Variants in MBOAT1 observed in about 807,000 individuals in gnomAD.
MBOAT1 encodes the protein membrane bound glycerophospholipid O-acyltransferase 1.
Under a neutral mutation model 64.4 loss-of-function variants are expected in MBOAT1, and 67 were observed. The observed-to-expected ratio is 1.04, with a 90% CI of 0.85 to 1.27. The LOEUF is 1.27. MBOAT1 is among the 50% of genes most tolerant of loss of function. MBOAT1 has a pLI of 0.00. For missense variants in MBOAT1, 563 were observed against 604.6 expected, an observed-to-expected ratio of 0.93 and a Z score of 0.72; for synonymous variants, 229 against 218.9, an observed-to-expected ratio of 1.05 and a Z score of -0.41.
chr6:20,168,218 A>G (rs1440500701), intron 1 of MBOAT1, among the ~76,000 whole-genome samples: 1 of 152,182 alleles, frequency 6.6e-6, no homozygotes, highest in Non-Finnish European at 1.5e-5. Flanking sequence ...CACATTTGAA[A>G]TAGTAAAAAT....
intron 1 of MBOAT1, among the ~76,000 whole-genome samples, chr6:20,177,600 C>T (rs1050424478): frequency 6.6e-5 from 10 of 151,792 alleles, no homozygotes; most frequent in Non-Finnish European, 1.2e-4. Context: ...GGTGAAACCC[C>T]GTCTCTACTA....
chr6:20,127,191 G>A (rs1002610181), intron 6 of MBOAT1, among the ~76,000 whole-genome samples: 13 of 152,196 alleles, frequency 8.5e-5, no homozygotes, highest in African/African-American at 3.1e-4. Context: ...CGCAGTAGCA[G>A]CCTGTTGTCT....
intron 5 of MBOAT1, among the ~76,000 whole-genome samples, chr6:20,129,889 G>C (rs902015239): frequency 2.0e-5 from 3 of 152,138 alleles, no homozygotes; most frequent in African/African-American, 7.2e-5. Flanking sequence ...GTCACATCTT[G>C]TGAAACCTTT....
chr6:20,157,638 C>T lies in MBOAT1; in HGVS notation c.100-4869G>A, dbSNP rs575362386. On this transcript the variant is annotated intron_variant, in intron 1 of 12. Coordinates refer to ENST00000324607, the MANE Select transcript of MBOAT1 (RefSeq NM_001080480.3). ...ATGACTGGTATCCCCAAAACATCCT[C>T]ATTTCATACTACTTACTCTATCCTC... 4.6e-5 allele frequency among the ~76,000 whole-genome samples: 7 copies of T among 152,212 alleles called. No individual in the cohort carries two copies. The South Asian group carries it at 8.3e-4, about 18-fold the overall frequency.
chr6:20,152,345 AT>A (rs1196952963), intron 2 of MBOAT1, among the ~76,000 whole-genome samples: 187 of 31,638 alleles, frequency 5.9e-3, no homozygotes, highest in African/African-American at 0.01. Flanking sequence ...AAAATAAAAA[AT>A]AAATAAATAA....
At chr6:20,209,831 G>T (rs1763370260) in intron 1 of MBOAT1, among the ~76,000 whole-genome samples, 1 of 152,138 alleles carries the variant, frequency 6.6e-6, no homozygotes, top group African/African-American at 2.4e-5. Flanking sequence ...GCAGGCTGAG[G>T]CCTTGGGGGC....
intron 1 of MBOAT1, among the ~76,000 whole-genome samples, chr6:20,169,961 C>A (rs1762142550): frequency 6.6e-6 from 1 of 152,192 alleles, no homozygotes; most frequent in Non-Finnish European, 1.5e-5. Context: ...AGCCAATGAA[C>A]AACACCCAGT....
At chr6:20,185,200 T>G (rs1762617415) in intron 1 of MBOAT1, among the ~76,000 whole-genome samples, 1 of 152,000 alleles carries the variant, frequency 6.6e-6, no homozygotes, top group African/African-American at 2.4e-5. Flanking sequence ...CAGTGAGCTA[T>G]GATCACACCA....
chr6:20,163,882 T>A (rs1761935537), intron 1 of MBOAT1, among the ~76,000 whole-genome samples: 1 of 151,072 alleles, frequency 6.6e-6, no homozygotes, highest in African/African-American at 2.4e-5. Context: ...CCATAAGGAG[T>A]GAGGGGCACA....
At chr6:20,134,267 C>A (rs929978731) in intron 4 of MBOAT1, among the ~76,000 whole-genome samples, 7 of 152,032 alleles carry the variant, frequency 4.6e-5, no homozygotes, top group Non-Finnish European at 7.4e-5. Context: ...ATACATAATA[C>A]TGAATAGCTA....
intron 1 of MBOAT1, among the ~76,000 whole-genome samples, chr6:20,182,015 G>A (rs1370187356): frequency 6.6e-6 from 1 of 152,132 alleles, no homozygotes; most frequent in Non-Finnish European, 1.5e-5. Flanking sequence ...CTATGTAGAC[G>A]CCTGGGTTAC....
Position 20,152,711 on chromosome 6 carries a change from T to A in MBOAT1, c.158A>T (p.Tyr53Phe). ...AGAGCTGGTTGTACCAGGACGTAAGTAGATGCGAAACCAGAAAGCAGCAAA... is the reference window on the plus strand; with the variant it reads ...AGAGCTGGTTGTACCAGGACGTAAGAAGATGCGAAACCAGAAAGCAGCAAA... The part of the protein sequence containing the change: ...ALFAAFWFRI[Y>F]LRPGTTSSDV... The change falls in exon 2 of 13, where the codon TAC (tyrosine) becomes TTC (phenylalanine). Residue 53 changes from tyrosine to phenylalanine, a missense_variant. Transcript: ENST00000324607. 1 of 1,612,278 alleles carries A rather than the reference T, an allele frequency of 6.2e-7. No homozygotes were observed. The highest frequency in any genetic ancestry group is 1.1e-5 in the South Asian group (1 of 90,924).
At chr6:20,104,285 T>C (rs1296365699) in intron 12 of MBOAT1, among the ~76,000 whole-genome samples, 3 of 152,236 alleles carry the variant, frequency 2.0e-5, no homozygotes, top group African/African-American at 7.2e-5. Flanking sequence ...CGTATGACTG[T>C]ATTCTATTCC....
intron 3 of MBOAT1, among the ~76,000 whole-genome samples, chr6:20,148,732 A>G (rs1761401374): frequency 6.6e-6 from 1 of 152,200 alleles, no homozygotes; most frequent in Admixed American, 6.5e-5. Flanking sequence ...TTTTAAAAAA[A>G]TTTACATTGA....
intron 7 of MBOAT1, among the ~76,000 whole-genome samples, chr6:20,125,197 G>T (rs1444160439): frequency 1.3e-5 from 2 of 152,140 alleles, no homozygotes; most frequent in Admixed American, 6.5e-5. Context: ...ATTTTGCCTA[G>T]CTCCCCTGAC....
chr6:20,122,892 C>T (rs551769314), intron 8 of MBOAT1, among the ~76,000 whole-genome samples: 1 of 152,044 alleles, frequency 6.6e-6, no homozygotes, highest in Admixed American at 6.5e-5. Flanking sequence ...AGTTCAGTGG[C>T]GTGATCTCGG....
rs895726031 is a variant in MBOAT1, at chr6:20,112,651, C to G, written c.1209+225G>C. 3.3e-5 allele frequency among the ~76,000 whole-genome samples: 5 copies of G among 152,144 alleles called. No individual in the cohort carries two copies. In the East Asian group the frequency reaches 7.7e-4, roughly 23 times the overall value. ...TGTCCCTAAAATTCCTTTTGTTTCACGAACTACGAACATACAATGGTTAAC... is the reference window on the plus strand; with the variant it reads ...TGTCCCTAAAATTCCTTTTGTTTCAGGAACTACGAACATACAATGGTTAAC... On this transcript the variant is annotated intron_variant, in intron 11 of 12. Coordinates refer to ENST00000324607, the MANE Select transcript of MBOAT1 (RefSeq NM_001080480.3).
intron 1 of MBOAT1, among the ~76,000 whole-genome samples, chr6:20,171,491 T>G (rs1346774096): frequency 6.6e-6 from 1 of 150,626 alleles, no homozygotes; most frequent in Non-Finnish European, 1.5e-5. Flanking sequence ...AGGTCTAGGC[T>G]GCAGTGAGCT....
intron 1 of MBOAT1, among the ~76,000 whole-genome samples, chr6:20,194,790 T>C (rs1561784365): frequency 6.6e-6 from 1 of 152,244 alleles, no homozygotes; most frequent in Non-Finnish European, 1.5e-5. Flanking sequence ...GGTGAGTGTC[T>C]ACATAATTAT....
Sources: gnomAD v4.1 joint callset for allele counts (sites outside exome capture counted in the v4.1 genomes callset) on GRCh38, gnomAD v4.1.1 for gene constraint, MANE v1.5 for transcripts, NCBI Gene and HGNC (gene_info 2026-07-23, HGNC 2026-07-21) for gene names.